Variants in FHOD3 observed in about 807,000 individuals in gnomAD.
FHOD3 encodes FH1/FH2 domain-containing protein 3.
In FHOD3, 90 loss-of-function variants were observed where a neutral mutation model predicts 173.0. That is an observed-to-expected ratio of 0.52 (90% CI 0.44 to 0.62). FHOD3 has a LOEUF of 0.62. FHOD3 is among the 20% of genes least tolerant of loss of function. The probability of loss-of-function intolerance (pLI) is 0.00; values close to 1 mark genes in which losing one functional copy is unlikely to be tolerated. For missense variants in FHOD3, 1,945 were observed against 2,034.7 expected, an observed-to-expected ratio of 0.96 and a Z score of 0.85; for synonymous variants, 828 against 823.0, an observed-to-expected ratio of 1.01 and a Z score of -0.10.
At chr18:36,715,746 TAAAGCAGG>T (rs888132100) in intron 18 of FHOD3, among the ~76,000 whole-genome samples, 9 of 152,060 alleles carry the variant, frequency 5.9e-5, no homozygotes, top group African/African-American at 2.2e-4. Context: ...TGATGAAAAA[TAAAGCAGG>T]AAAGGATGAT....
chr18:36,417,034 A>C (rs2049691876), intron 3 of FHOD3, among the ~76,000 whole-genome samples: 1 of 152,080 alleles, frequency 6.6e-6, no homozygotes, highest in South Asian at 2.1e-4. Context: ...ATACACATGC[A>C]CAGTTTTTTA....
intron 1 of FHOD3, among the ~76,000 whole-genome samples, chr18:36,351,667 T>C (rs1408543537): frequency 6.6e-6 from 1 of 152,040 alleles, no homozygotes; most frequent in Non-Finnish European, 1.5e-5. Flanking sequence ...GTGCTAAGGT[T>C]TGGGGATTCT....
intron 7 of FHOD3, among the ~76,000 whole-genome samples, chr18:36,601,608 G>T (rs182609495): frequency 2.6e-5 from 4 of 152,124 alleles, no homozygotes; most frequent in Non-Finnish European, 4.4e-5. Context: ...GCCAAAATCA[G>T]CTCTGACATA....
intron 5 of FHOD3, among the ~76,000 whole-genome samples, chr18:36,549,704 AT>A (rs566130762): frequency 0.023 from 2,931 of 129,370 alleles, 40 homozygotes; most frequent in Non-Finnish European, 0.026. Context: ...TGCCTGGCTA[AT>A]TTTTTTTTTT....
chr18:36,427,330 C>T (rs1304793643), intron 3 of FHOD3, among the ~76,000 whole-genome samples: 3 of 149,162 alleles, frequency 2.0e-5, no homozygotes, highest in African/African-American at 7.4e-5. Flanking sequence ...TTGGTTCCCA[C>T]TGTCTGCAGA....
chr18:36,303,081 C>T (rs2091996682), intron 1 of FHOD3, among the ~76,000 whole-genome samples: 1 of 152,170 alleles, frequency 6.6e-6, no homozygotes, highest in African/African-American at 2.4e-5. Context: ...GAAGGGGCTG[C>T]TATGTCATGA....
At chr18:36,630,471 C>T (rs900990990) in intron 10 of FHOD3, among the ~76,000 whole-genome samples, 4 of 152,190 alleles carry the variant, frequency 2.6e-5, no homozygotes, top group Non-Finnish European at 5.9e-5. Context: ...GACTTAATCT[C>T]ATGCTACTCT....
intron 5 of FHOD3, among the ~76,000 whole-genome samples, chr18:36,555,724 A>G (rs1474107779): frequency 1.3e-5 from 2 of 152,150 alleles, no homozygotes; most frequent in Non-Finnish European, 2.9e-5. Flanking sequence ...GTTATTACAA[A>G]CAGAGCTTAA....
chr18:36,438,859 C>T (rs2050964509), intron 3 of FHOD3, among the ~76,000 whole-genome samples: 3 of 152,218 alleles, frequency 2.0e-5, no homozygotes, highest in African/African-American at 7.2e-5. Flanking sequence ...TGATCCTGGA[C>T]TGACATCCGT....
At chr18:36,641,098 G>A (rs1245752313) in intron 10 of FHOD3, among the ~76,000 whole-genome samples, 2 of 152,060 alleles carry the variant, frequency 1.3e-5, no homozygotes, top group Admixed American at 6.5e-5. Flanking sequence ...TGTGCCGAAC[G>A]CTGTGCTAGG....
At chr18:36,660,837 A>G (rs2036745293) in intron 14 of FHOD3, among the ~76,000 whole-genome samples, 1 of 152,196 alleles carries the variant, frequency 6.6e-6, no homozygotes, top group Non-Finnish European at 1.5e-5. Context: ...TCACTGGGGA[A>G]CAGCAGTGGT....
At chr18:36,416,579 A>T (rs1353104720) in intron 3 of FHOD3, among the ~76,000 whole-genome samples, 1 of 152,056 alleles carries the variant, frequency 6.6e-6, no homozygotes, top group Non-Finnish European at 1.5e-5. Context: ...CTTATTAAGG[A>T]TATGTAATTT....
intron 9 of FHOD3, among the ~76,000 whole-genome samples, chr18:36,623,522 G>A (rs1365534039): frequency 6.6e-6 from 1 of 152,210 alleles, no homozygotes; most frequent in Non-Finnish European, 1.5e-5. Flanking sequence ...GATGACATAT[G>A]TGCTTAACTA....
intron 1 of FHOD3, among the ~76,000 whole-genome samples, chr18:36,333,458 C>T (rs2045129714): frequency 6.6e-6 from 1 of 152,250 alleles, no homozygotes; most frequent in Non-Finnish European, 1.5e-5. Flanking sequence ...CATTGTAAAG[C>T]TAATCCAGAG....
intron 14 of FHOD3, among the ~76,000 whole-genome samples, chr18:36,663,507 TG>T (rs1396033793): frequency 6.6e-6 from 1 of 152,272 alleles, no homozygotes; most frequent in Non-Finnish European, 1.5e-5. Flanking sequence ...GTCCTATTAT[TG>T]CATCATCTGC....
chr18:36,525,834 C>G (rs773928326), intron 5 of FHOD3, among the ~76,000 whole-genome samples: 12 of 152,162 alleles, frequency 7.9e-5, no homozygotes, highest in Non-Finnish European at 1.6e-4. Context: ...ATGTCCAGGA[C>G]CACTGCAATA....
Position 36,658,307 on chromosome 18 carries a change from C to A in FHOD3, c.1835+119C>A, listed in dbSNP as rs192454217. 6.7e-5 allele frequency: 44 copies of A among 659,800 alleles called. No homozygotes were observed. The East Asian group carries it at 1.3e-3, about 19-fold the overall frequency. 40.9% of individuals were successfully genotyped at this position (659,800 alleles called of 1,614,324 possible). On this transcript the variant is annotated intron_variant, in intron 14 of 28. Coordinates refer to ENST00000590592, the MANE Select transcript of FHOD3 (RefSeq NM_001281740.3). ...ACATAACATGAAGTATTTTCCTTTA[C>A]AGAACATTGTCCGAAGCCAGGAATA...
chr18:36,592,795 G>A (rs1047191339), intron 6 of FHOD3, among the ~76,000 whole-genome samples: 3 of 152,176 alleles, frequency 2.0e-5, no homozygotes, highest in African/African-American at 7.2e-5. Context: ...GTGGTAGGTG[G>A]AAGGGGGTAA....
chr18:36,517,302 A>G (rs2056043412), intron 5 of FHOD3, among the ~76,000 whole-genome samples: 1 of 152,056 alleles, frequency 6.6e-6, no homozygotes, highest in African/African-American at 2.4e-5. Context: ...GGGAACTTAA[A>G]CTTTCTGCAC....
Sources: gnomAD v4.1 joint callset for allele counts (sites outside exome capture counted in the v4.1 genomes callset) on GRCh38, gnomAD v4.1.1 for gene constraint, MANE v1.5 for transcripts, NCBI Gene and HGNC (gene_info 2026-07-23, HGNC 2026-07-21) for gene names.